FAM222B: variants seen among roughly 807,000 people sequenced by gnomAD.
FAM222B encodes the protein protein FAM222B.
Under a neutral mutation model 38.0 loss-of-function variants are expected in FAM222B, and 12 were observed. The ratio of observed to expected loss-of-function variants is 0.32; its 90% CI spans 0.20 to 0.51. The LOEUF is 0.51. Ranked by LOEUF, FAM222B falls within the 20% of genes least tolerant of loss-of-function variation. The pLI, the probability that FAM222B is intolerant of heterozygous loss-of-function variation, is 0.97. For missense variants in FAM222B, 716 were observed against 754.2 expected (o/e 0.95, Z 0.59); for synonymous variants, 329 against 317.2 (o/e 1.04, Z -0.40).
intron 1 of FAM222B, among the ~76,000 whole-genome samples, chr17:28,781,799 T>C (rs1206957236): frequency 1.3e-5 from 2 of 152,194 alleles, no homozygotes; most frequent in Non-Finnish European, 2.9e-5. Context: ...AAATACTGCA[T>C]AATTTCACTA....
chr17:28,833,316 T>A (rs1181123791), intron 1 of FAM222B, among the ~76,000 whole-genome samples: 8 of 123,536 alleles, frequency 6.5e-5, no homozygotes, highest in South Asian at 2.6e-4. Context: ...CTCAAAAAAA[T>A]AAATAAATAA....
At chr17:28,841,226 C>T (rs1047584980) in intron 1 of FAM222B, among the ~76,000 whole-genome samples, 8 of 151,972 alleles carry the variant, frequency 5.3e-5, no homozygotes, top group Admixed American at 1.3e-4. Context: ...ACCCGGGAGG[C>T]GGAGGTTGCT....
intron 1 of FAM222B, among the ~76,000 whole-genome samples, chr17:28,799,691 T>A (rs2037127987): frequency 6.6e-6 from 1 of 152,148 alleles, no homozygotes; most frequent in African/African-American, 2.4e-5. Flanking sequence ...CACTGCAGCC[T>A]CAAACTCCTA....
In FAM222B at chr17:28,778,509, C is replaced by CT. The variant is rs1275396963; in HGVS notation, c.-40-11803dup. ...AAAATGAGTGTTCCCCCCACCCCCG[C>CT]TTTTTTTTTTTTGAGACAGGGCCTC... On this transcript the variant is annotated intron_variant, in intron 1 of 2. Coordinates refer to ENST00000581407, the MANE Select transcript of FAM222B (RefSeq NM_001077498.3). Among the ~76,000 whole-genome samples the CT allele has an allele frequency of 4.4e-3, 594 of 135,036 alleles. 6 individuals carry two copies. Among genetic ancestry groups the CT allele is most frequent in the South Asian group, 0.026 (101 of 3,932 alleles). The allele number at this position is 135,036 out of a possible 152,430, so 88.6% of individuals were successfully genotyped here. A position where few individuals can be genotyped will look rare whatever the true frequency, so the allele number is the denominator to read the frequency against.
chr17:28,767,077 G>C (rs2035367810), intron 1 of FAM222B: 2 of 167,592 alleles, frequency 1.2e-5, no homozygotes, highest in Admixed American at 6.1e-5. Flanking sequence ...AGACCAGCCA[G>C]ACATTTTCAG....
intron 1 of FAM222B, among the ~76,000 whole-genome samples, chr17:28,807,814 AGAACAAAGTTT>A (rs746546826): frequency 1.3e-5 from 2 of 152,250 alleles, no homozygotes; most frequent in African/African-American, 2.4e-5. Context: ...GCTAACATAT[AGAACAAAGTTT>A]AAAGAAGATA....
At chr17:28,848,067 G>T (rs547878140) in intron 1 of FAM222B, among the ~76,000 whole-genome samples, 1 of 152,114 alleles carries the variant, frequency 6.6e-6, no homozygotes, top group Non-Finnish European at 1.5e-5. Flanking sequence ...ACCCTAGAGC[G>T]GTGTCTGGCA....
At chr17:28,798,369 T>C (rs773583071) in intron 1 of FAM222B, among the ~76,000 whole-genome samples, 5 of 151,840 alleles carry the variant, frequency 3.3e-5, no homozygotes, top group Non-Finnish European at 7.4e-5. Context: ...GCAAACAGAG[T>C]AAGACCCTGT....
At chr17:28,790,883 A>AAATTTTTTTTTTTTTTTTT (rs1567838640) in intron 1 of FAM222B, among the ~76,000 whole-genome samples, 9 of 8,904 alleles carry the variant, frequency 1.0e-3, no homozygotes, top group African/African-American at 4.8e-3. Flanking sequence ...AAATTGTTTC[A>AAATTTTTTTTTTTTTTTTT]CTTTTTTTTT....
chr17:28,820,251 G>A (rs2038163621), intron 1 of FAM222B, among the ~76,000 whole-genome samples: 1 of 152,136 alleles, frequency 6.6e-6, no homozygotes, highest in African/African-American at 2.4e-5. Context: ...TCACTTAAAA[G>A]GCTGAGAAAA....
chr17:28,825,476 A>ACCTTAC (rs1276638635), intron 1 of FAM222B, among the ~76,000 whole-genome samples: 1 of 149,218 alleles, frequency 6.7e-6, no homozygotes, highest in Non-Finnish European at 1.5e-5. Flanking sequence ...GAAACGAAAC[A>ACCTTAC]CCTTACCCTA....
rs578261076 is a variant in FAM222B at position 28,803,464 on chromosome 17, C to T, written c.-40-36757G>A. 7.9e-5 allele frequency among the ~76,000 whole-genome samples: 12 copies of T among 151,952 alleles called. No homozygotes were observed. In the East Asian group the frequency reaches 1.2e-3, roughly 15 times the overall value. On this transcript the variant is annotated intron_variant, in intron 1 of 2. Transcript: ENST00000581407. ...GGGAGTACAGGCACACATCACCACA[C>T]CCACCTAATTTTTTTATAGAGAGGG...
upstream of FAM222B, among the ~76,000 whole-genome samples, chr17:28,845,177 G>A (rs542152352): frequency 1.0e-4 from 15 of 150,586 alleles, no homozygotes; most frequent in East Asian, 4.0e-4. Flanking sequence ...CGAGGTGGGC[G>A]GATCACGAGG....
intron 1 of FAM222B, among the ~76,000 whole-genome samples, chr17:28,815,125 T>C (rs2037967028): frequency 6.6e-6 from 1 of 151,914 alleles, no homozygotes; most frequent in African/African-American, 2.4e-5. Flanking sequence ...TCCAATATAA[T>C]ATCTAGATGT....
At chr17:28,826,985 AT>A (rs985948253) in intron 1 of FAM222B, among the ~76,000 whole-genome samples, 11 of 150,520 alleles carry the variant, frequency 7.3e-5, no homozygotes, top group East Asian at 3.9e-4. Context: ...TGCCAAAAAA[AT>A]TTTTTTTTTC....
At chr17:28,767,063 T>C (rs2035366607) in intron 1 of FAM222B, 1 of 119,220 alleles carries the variant, frequency 8.4e-6, no homozygotes, top group Non-Finnish European at 1.8e-5. Context: ...ATAGGCCTGG[T>C]TGGAGACCAG....
chr17:28,825,014 T>A (rs928980364), intron 1 of FAM222B, among the ~76,000 whole-genome samples: 3 of 152,166 alleles, frequency 2.0e-5, no homozygotes, highest in Non-Finnish European at 4.4e-5. Context: ...TCCGCCCGCC[T>A]TGGCCTCCCA....
chr17:28,792,038 G>A (rs183676777), intron 1 of FAM222B, among the ~76,000 whole-genome samples: 4 of 151,600 alleles, frequency 2.6e-5, no homozygotes, highest in Admixed American at 1.3e-4. Flanking sequence ...TAGGCCAGGC[G>A]CAGTGGCTCA....
chr17:28,770,498 G>A (rs915167705), intron 1 of FAM222B, among the ~76,000 whole-genome samples: 13 of 151,874 alleles, frequency 8.6e-5, no homozygotes, highest in Admixed American at 7.2e-4. Context: ...CACCTCCCAC[G>A]TTCAAGCGAT....
Sources: gnomAD v4.1 joint callset for allele counts (sites outside exome capture counted in the v4.1 genomes callset) on GRCh38, gnomAD v4.1.1 for gene constraint, MANE v1.5 for transcripts, NCBI Gene and HGNC (gene_info 2026-07-23, HGNC 2026-07-21) for gene names.